RPS6KC1: variants seen among roughly 807,000 people sequenced by gnomAD.
RPS6KC1 encodes the protein inactive ribosomal protein S6 kinase delta-1.
In RPS6KC1, 54 loss-of-function variants were observed where a neutral mutation model predicts 103.8. The observed-to-expected ratio is 0.52, with a 90% CI of 0.42 to 0.65. RPS6KC1 has a LOEUF of 0.65. RPS6KC1 is among the 30% of genes least tolerant of loss of function. The pLI is 0.00. For synonymous variants in RPS6KC1, 439 were observed against 438.7 expected, an observed-to-expected ratio of 1.00 and a Z score of -0.01; for missense variants, 1,151 against 1,253.8, an observed-to-expected ratio of 0.92 and a Z score of 1.24.
chr1:213,481,170 A>C, the RPS6KC1 span, among the ~76,000 whole-genome samples: 7,558 of 152,128 alleles, frequency 0.05, 609 homozygotes, highest in African/African-American at 0.17. Context: ...TCCGTTTTTT[A>C]TTTAAACAAA....
At chr1:213,141,283 A>G (rs2087000188) in intron 6 of RPS6KC1, among the ~76,000 whole-genome samples, 1 of 151,898 alleles carries the variant, frequency 6.6e-6, no homozygotes, top group African/African-American at 2.4e-5. Context: ...TTAATTACTG[A>G]TTCAGTTTTG....
At chr1:213,481,390 A>T in the RPS6KC1 span, among the ~76,000 whole-genome samples, 2 of 152,242 alleles carry the variant, frequency 1.3e-5, no homozygotes, top group Non-Finnish European at 2.9e-5. Context: ...ATTGTGTGCC[A>T]AAGTGAAGTG....
chr1:213,117,387 C>G lies in RPS6KC1; in HGVS notation c.449C>G (p.Thr150Ser), dbSNP rs760199956. ...AEAHSDSLID[T>S]FPECSTEGFS... ...GCTCACTCAGATTCCCTCATTGATA[C>G]CTTTCCTGAGTGTAGTACGGAAGGT... Residue 150 changes from threonine (T) to serine (S), a missense_variant, in exon 5 of 15, where the codon ACC becomes AGC. Thr to Ser is a moderately conservative substitution (Grantham distance 58). Transcript: ENST00000366960. 4 of 1,607,160 alleles carry G rather than the reference C, an allele frequency of 2.5e-6. No individual in the cohort carries two copies. The highest frequency in any genetic ancestry group is 2.2e-5 in the East Asian group (1 of 44,782).
the RPS6KC1 span, among the ~76,000 whole-genome samples, chr1:213,854,568 C>CTT: frequency 6.9e-6 from 1 of 144,278 alleles, no homozygotes; most frequent in Non-Finnish European, 1.5e-5. Flanking sequence ...TTCTTTCTCT[C>CTT]TCTCTCTCTC....
chr1:213,208,253 A>C (rs1407988511), intron 8 of RPS6KC1, among the ~76,000 whole-genome samples: 4 of 152,108 alleles, frequency 2.6e-5, no homozygotes, highest in African/African-American at 9.7e-5. Context: ...TCAAGTTTGC[A>C]TTGGTTTCCT....
the RPS6KC1 span, among the ~76,000 whole-genome samples, chr1:213,567,163 C>G: frequency 6.6e-6 from 1 of 152,178 alleles, no homozygotes; most frequent in East Asian, 1.9e-4. Context: ...CATATGAAGT[C>G]ACACCTGTGA....
chr1:213,844,681 A>AT, the RPS6KC1 span, among the ~76,000 whole-genome samples: 11 of 152,174 alleles, frequency 7.2e-5, no homozygotes, highest in Non-Finnish European at 1.0e-4. Flanking sequence ...AATCACAGGC[A>AT]TTTTTTATGT....
chr1:213,253,338 C>T (rs894132170), intron 12 of RPS6KC1, among the ~76,000 whole-genome samples: 10 of 152,074 alleles, frequency 6.6e-5, no homozygotes, highest in South Asian at 2.1e-4. Context: ...ACCAGTCTGA[C>T]GGTGTGTCTT....
At chr1:213,589,890 A>AT in the RPS6KC1 span, among the ~76,000 whole-genome samples, 4 of 124,490 alleles carry the variant, frequency 3.2e-5, no homozygotes, top group Non-Finnish European at 7.3e-5. Context: ...ATTCACATAT[A>AT]TTTTTTGTGG....
At chr1:213,686,409 C>T in the RPS6KC1 span, among the ~76,000 whole-genome samples, 7 of 152,146 alleles carry the variant, frequency 4.6e-5, no homozygotes, top group African/African-American at 1.7e-4. Flanking sequence ...ACTCACCCAT[C>T]GACCCAGGTG....
At chr1:213,280,807 A>C in the RPS6KC1 span, among the ~76,000 whole-genome samples, 1 of 152,228 alleles carries the variant, frequency 6.6e-6, no homozygotes, top group African/African-American at 2.4e-5. Flanking sequence ...GGGCACCTTT[A>C]AAATGTTTAG....
At chr1:213,686,954 A>G in the RPS6KC1 span, among the ~76,000 whole-genome samples, 1 of 126,524 alleles carries the variant, frequency 7.9e-6, no homozygotes, top group Non-Finnish European at 1.8e-5. Flanking sequence ...TAACTTCCAG[A>G]TGTTGCCATG....
chr1:213,743,235 G>C, the RPS6KC1 span, among the ~76,000 whole-genome samples: 1 of 152,100 alleles, frequency 6.6e-6, no homozygotes, highest in South Asian at 2.1e-4. Context: ...TGTCATTTTC[G>C]GCAACATGGA....
chr1:213,431,036 G>A, the RPS6KC1 span, among the ~76,000 whole-genome samples: 1 of 152,170 alleles, frequency 6.6e-6, no homozygotes, highest in Non-Finnish European at 1.5e-5. Context: ...GTGGGAAGGG[G>A]GAGGAGAATG....
the RPS6KC1 span, among the ~76,000 whole-genome samples, chr1:213,611,771 A>C: frequency 1.3e-5 from 2 of 152,244 alleles, no homozygotes; most frequent in Non-Finnish European, 2.9e-5. Flanking sequence ...CTCAGAATAC[A>C]CTGCGAAAGC....
chr1:213,575,985 G>A, the RPS6KC1 span, among the ~76,000 whole-genome samples: 92 of 152,190 alleles, frequency 6.0e-4, no homozygotes, highest in Middle Eastern at 6.8e-3. Context: ...GAGTAAAATG[G>A]GGGTTGTTTG....
At chr1:213,271,034 G>C (rs1203675953) in intron 14 of RPS6KC1, among the ~76,000 whole-genome samples, 1 of 152,174 alleles carries the variant, frequency 6.6e-6, no homozygotes, top group Non-Finnish European at 1.5e-5. Context: ...TTTATAAAAA[G>C]TTAAACATAA....
intron 1 of RPS6KC1, among the ~76,000 whole-genome samples, chr1:213,063,876 AGC>A (rs2148382058): frequency 6.6e-6 from 1 of 152,302 alleles, no homozygotes; most frequent in East Asian, 1.9e-4. Context: ...TGTTTTGTGA[AGC>A]ACTGCTGTAG....
At chr1:213,817,195 C>T in the RPS6KC1 span, among the ~76,000 whole-genome samples, 1 of 152,240 alleles carries the variant, frequency 6.6e-6, no homozygotes, top group African/African-American at 2.4e-5. Context: ...GGCAGTGGCT[C>T]CCTCCAGCTT....
Sources: allele counts gnomAD v4.1 joint callset (sites outside exome capture counted in the v4.1 genomes callset), GRCh38; gene constraint gnomAD v4.1.1; transcripts MANE v1.5; gene names NCBI Gene and HGNC (gene_info 2026-07-23, HGNC 2026-07-21).